Variants in SNX29 observed in about 807,000 individuals in gnomAD.
The protein encoded by SNX29 is sorting nexin-29.
SNX29 carries 78 observed loss-of-function variants against 102.1 expected under a neutral mutation model. That is an observed-to-expected ratio of 0.76 (90% CI 0.64 to 0.92). The LOEUF (loss-of-function observed/expected upper bound fraction) is 0.92, where lower values mean the gene tolerates loss of function less well. Among genes scored for constraint, SNX29 ranks in the 40% least tolerant of loss-of-function variants. The probability of loss-of-function intolerance (pLI) is 0.00; values close to 1 mark genes in which losing one functional copy is unlikely to be tolerated. For synonymous variants in SNX29, 580 were observed against 414.5 expected, an observed-to-expected ratio of 1.40 and a Z score of -4.85; for missense variants, 1,280 against 1,061.7, an observed-to-expected ratio of 1.21 and a Z score of -2.86.
chr16:12,147,341 TAAA>T (rs1291217159), intron 13 of SNX29, among the ~76,000 whole-genome samples: 1 of 151,366 alleles, frequency 6.6e-6, no homozygotes, highest in Admixed American at 6.6e-5. Flanking sequence ...CAGGAGGAAA[TAAA>T]AAAAAATTAC....
chr16:12,524,935 G>A lies in SNX29; in HGVS notation c.2318+94G>A, dbSNP rs186940529. 4.6e-5 allele frequency: 70 copies of A among 1,524,468 alleles called. No homozygotes were observed. In the East Asian group the frequency reaches 1.2e-3, roughly 27 times the overall value. 94.4% of individuals were successfully genotyped at this position (1,524,468 alleles called of 1,614,324 possible). On this transcript the variant is annotated intron_variant, in intron 20 of 20. Coordinates refer to ENST00000566228, the MANE Select transcript of SNX29 (RefSeq NM_032167.5). ...GTCAGGGAGCACAGCGGCTCTCCGT[G>A]ATGCCCTGATCGCCATGGGACCCAG...
In SNX29 at chr16:12,406,137, TC is replaced by T. The variant is rs753295870; in HGVS notation, c.2037+2609del. ...TAAAAGAGAGGTTAAAAAAAATACATCAGGGTCAATGAAAATGTAAACTAAG... is the reference window on the plus strand; with the variant it reads ...TAAAAGAGAGGTTAAAAAAAATACATAGGGTCAATGAAAATGTAAACTAAG... On this transcript the variant is annotated intron_variant, in intron 18 of 20. Transcript: ENST00000566228. Among the ~76,000 whole-genome samples the T allele has an allele frequency of 3.9e-3, 595 of 151,968 alleles. 6 individuals carry two copies. The highest frequency in any genetic ancestry group is 0.013 in the African/African-American group (557 of 41,440).
chr16:12,135,809 A>G (rs1259707269), intron 13 of SNX29: 4 of 381,306 alleles, frequency 1.0e-5, no homozygotes, highest in South Asian at 2.2e-5. Context: ...TTTGGTTATT[A>G]GAGATTGGAG....
intron 13 of SNX29, among the ~76,000 whole-genome samples, chr16:12,188,088 A>G (rs1181798070): frequency 3.3e-5 from 5 of 152,214 alleles, no homozygotes; most frequent in Non-Finnish European, 7.3e-5. Context: ...CTAGGAGAAA[A>G]TAGTCCTCCT....
intron 16 of SNX29, among the ~76,000 whole-genome samples, chr16:12,377,928 G>C (rs905232042): frequency 6.6e-6 from 1 of 152,124 alleles, no homozygotes; most frequent in Non-Finnish European, 1.5e-5. Flanking sequence ...TTCAGGCCTT[G>C]GCATGGTTAG....
intron 11 of SNX29, among the ~76,000 whole-genome samples, chr16:12,119,653 C>G (rs983280895): frequency 7.2e-5 from 11 of 152,222 alleles, no homozygotes; most frequent in Admixed American, 2.6e-4. Context: ...ACCCTGGGAA[C>G]TGGTGTGAGT....
At chr16:12,290,361 G>A (rs914784948) in intron 15 of SNX29, among the ~76,000 whole-genome samples, 8 of 151,998 alleles carry the variant, frequency 5.3e-5, no homozygotes, top group African/African-American at 1.4e-4. Flanking sequence ...TTTCCTGTCC[G>A]TTTTCGCTGG....
intron 11 of SNX29, among the ~76,000 whole-genome samples, chr16:12,107,800 C>G (rs1198197529): frequency 6.6e-6 from 1 of 152,100 alleles, no homozygotes; most frequent in African/African-American, 2.4e-5. Context: ...TCCCCAGGCC[C>G]AGAAGCAGGT....
At chr16:12,518,300 G>T (rs904761738) in intron 19 of SNX29, among the ~76,000 whole-genome samples, 8 of 152,262 alleles carry the variant, frequency 5.3e-5, no homozygotes, top group African/African-American at 1.9e-4. Context: ...GCTCTGCACG[G>T]TTTTACTGCT....
chr16:12,103,274 T>C (rs1375138307), intron 11 of SNX29, among the ~76,000 whole-genome samples: 1 of 152,202 alleles, frequency 6.6e-6, no homozygotes, highest in Non-Finnish European at 1.5e-5. Context: ...AGAACAAAGC[T>C]GGAGGCTTCA....
At chr16:12,348,345 C>G (rs1053757368) in intron 15 of SNX29, among the ~76,000 whole-genome samples, 1 of 152,194 alleles carries the variant, frequency 6.6e-6, no homozygotes, top group African/African-American at 2.4e-5. Context: ...TGGGGAGCTC[C>G]TAGACTCTTC....
intron 20 of SNX29, among the ~76,000 whole-genome samples, chr16:12,561,302 T>C (rs1408927319): frequency 6.6e-6 from 1 of 152,144 alleles, no homozygotes. Flanking sequence ...CTCCATGATC[T>C]TCACATCCTG....
At chr16:12,233,895 G>C (rs996509324) in intron 14 of SNX29, among the ~76,000 whole-genome samples, 1 of 152,042 alleles carries the variant, frequency 6.6e-6, no homozygotes, top group African/African-American at 2.4e-5. Flanking sequence ...TTTAGCATAA[G>C]GTTTTCAAGG....
In SNX29 at chr16:12,173,255, C is replaced by T. The variant is rs560784768; in HGVS notation, c.1596-26346C>T. Among the ~76,000 whole-genome samples the T allele has an allele frequency of 1.1e-4, 17 of 152,276 alleles. No individual in the cohort carries two copies. The South Asian group carries it at 3.5e-3, about 32-fold the overall frequency. On this transcript the variant is annotated intron_variant, in intron 13 of 20. Coordinates refer to ENST00000566228, the MANE Select transcript of SNX29 (RefSeq NM_032167.5). ...TGGTTCCAACAGGCGGTTCCAACAG[C>T]CAGGCTTGCAGAGAGTTACATTCGT...
chr16:12,258,374 C>T (rs144692226), intron 14 of SNX29, among the ~76,000 whole-genome samples: 1 of 152,218 alleles, frequency 6.6e-6, no homozygotes, highest in African/African-American at 2.4e-5. Context: ...GAACATTCCC[C>T]CCGTGATAGC....
chr16:12,188,363 C>A (rs1020789831), intron 13 of SNX29, among the ~76,000 whole-genome samples: 1 of 152,178 alleles, frequency 6.6e-6, no homozygotes, highest in East Asian at 1.9e-4. Context: ...CAAGCATTCC[C>A]GTCAGGGCTG....
chr16:12,317,737 A>C (rs938633083), intron 15 of SNX29, among the ~76,000 whole-genome samples: 1 of 152,222 alleles, frequency 6.6e-6, no homozygotes, highest in Non-Finnish European at 1.5e-5. Context: ...AATGAGTGTA[A>C]AATGAATTAA....
intron 20 of SNX29, among the ~76,000 whole-genome samples, chr16:12,558,690 A>G (rs1282794770): frequency 6.6e-6 from 1 of 152,108 alleles, no homozygotes; most frequent in Admixed American, 6.5e-5. Flanking sequence ...TGGGATTTGA[A>G]TCCACCCCCA....
intron 19 of SNX29, chr16:12,515,601 C>A: frequency 2.0e-6 from 1 of 488,846 alleles, no homozygotes; most frequent in Non-Finnish European, 4.1e-6. Flanking sequence ...AGGTGACCTC[C>A]GAAGTCACCT....
Sources: allele counts gnomAD v4.1 joint callset (sites outside exome capture counted in the v4.1 genomes callset), GRCh38; gene constraint gnomAD v4.1.1; transcripts MANE v1.5; gene names NCBI Gene and HGNC (gene_info 2026-07-23, HGNC 2026-07-21).